GNPTAB: variants seen among roughly 807,000 people sequenced by gnomAD.
The protein encoded by GNPTAB is N-acetylglucosamine-1-phosphotransferase subunits alpha/beta.
In GNPTAB, 92 loss-of-function variants were observed where a neutral mutation model predicts 136.6. The ratio of observed to expected loss-of-function variants is 0.67; its 90% CI spans 0.57 to 0.80. GNPTAB has a LOEUF of 0.80. GNPTAB is among the 30% of genes least tolerant of loss of function. The probability of loss-of-function intolerance (pLI) is 0.00; values close to 1 mark genes in which losing one functional copy is unlikely to be tolerated. For synonymous variants in GNPTAB, 512 were observed against 535.1 expected, an observed-to-expected ratio of 0.96 and a Z score of 0.60; for missense variants, 1,343 against 1,501.8, an observed-to-expected ratio of 0.89 and a Z score of 1.75.
chr12:101,797,859 C>T (rs1187188592), intron 1 of GNPTAB, among the ~76,000 whole-genome samples: 1 of 152,178 alleles, frequency 6.6e-6, no homozygotes, highest in African/African-American at 2.4e-5. Context: ...ACCTTGCAGA[C>T]ATCCAATCTC....
intron 7 of GNPTAB, among the ~76,000 whole-genome samples, chr12:101,776,715 T>G (rs1464011033): frequency 6.6e-6 from 1 of 152,230 alleles, no homozygotes; most frequent in Non-Finnish European, 1.5e-5. Context: ...CCCAAGATAT[T>G]GCCTCATATG....
At chr12:101,757,534 CTT>C (rs1566069225) in intron 17 of GNPTAB, 36 bp downstream of exon 17, 2 of 1,005,980 alleles carry the variant, frequency 2.0e-6, no homozygotes, top group Admixed American at 1.7e-5. Flanking sequence ...TGTGATTACT[CTT>C]ATACTAAACA....
chr12:101,757,532 C>CT, intron 17 of GNPTAB, 40 bp downstream of exon 17: 1 of 993,904 alleles, frequency 1.0e-6, no homozygotes. Context: ...TTTGTGATTA[C>CT]TCTTATACTA....
Position 101,764,784 on chromosome 12 carries a change from G to C in GNPTAB, c.2133C>G (p.Leu711=), listed in dbSNP as rs976305877. The part of the protein sequence containing the change: ...SLLPKDAQLS[L]NTLDLQLEHG... ...GTTCCAGTTGCAAATCCAAGGTATT[G>C]AGACTCAACTGGGCGTCTTTTGGAA... Residue 711 remains leucine, a synonymous_variant, in exon 13 of 21, where the codon CTC becomes CTG. Coordinates refer to ENST00000299314, the MANE Select transcript of GNPTAB (RefSeq NM_024312.5). 1.2e-6 allele frequency: 2 copies of C among 1,614,078 alleles called. No homozygotes were observed. The highest frequency in any genetic ancestry group is 1.7e-5 in the Admixed American group (1 of 60,012).
At chr12:101,822,166 C>A (rs1218146278) in intron 1 of GNPTAB, among the ~76,000 whole-genome samples, 2 of 152,202 alleles carry the variant, frequency 1.3e-5, no homozygotes, top group African/African-American at 2.4e-5. Flanking sequence ...GTAATCCCAG[C>A]ACTTTGGGAG....
At chr12:101,799,130 C>G (rs971062685) in intron 1 of GNPTAB, among the ~76,000 whole-genome samples, 1 of 152,084 alleles carries the variant, frequency 6.6e-6, no homozygotes, top group African/African-American at 2.4e-5. Context: ...GCCTCTTTAT[C>G]TTGTATTGAA....
Position 101,765,013 on chromosome 12 carries a change from G to T in GNPTAB, c.1904C>A (p.Thr635Lys). Residue 635 changes from threonine (T) to lysine (K), a missense_variant, in exon 13 of 21, where the codon ACA becomes AAA. Thr to Lys is a moderately conservative substitution (Grantham distance 78). Coordinates refer to ENST00000299314, the MANE Select transcript of GNPTAB (RefSeq NM_024312.5). ...FKMQITVEVD[T>K]REGPKLNSTA... The stretch of plus-strand genomic sequence containing the variant: ...AGAATTCAGTTTTGGTCCCTCCCTT[G>T]TGTCCACCTCCACTGTTATCTGCAT... The T allele has an allele frequency of 6.2e-7, 1 of 1,614,172 alleles. No homozygotes were observed. The highest frequency in any genetic ancestry group is 8.5e-7 in the Non-Finnish European group (1 of 1,180,032).
chr12:101,752,416 CTG>C (rs1001707026), intron 19 of GNPTAB, among the ~76,000 whole-genome samples: 171 of 152,280 alleles, frequency 1.1e-3, no homozygotes, highest in African/African-American at 4.1e-3. Flanking sequence ...CAGAGCAAGA[CTG>C]TCTCAAAACA....
intron 20 of GNPTAB, 133 bp from the exon 21 acceptor site, chr12:101,747,374 A>C: frequency 3.0e-6 from 2 of 659,970 alleles, no homozygotes; most frequent in Non-Finnish European, 2.8e-6. Flanking sequence ...CAACAAACAA[A>C]TCTCCATCAT....
At chr12:101,754,300 G>A (rs909167055) in intron 18 of GNPTAB, among the ~76,000 whole-genome samples, 1 of 151,932 alleles carries the variant, frequency 6.6e-6, no homozygotes, top group African/African-American at 2.4e-5. Flanking sequence ...GTGGTGGCAT[G>A]CCTGTAATCC....
intron 3 of GNPTAB, 92 bp downstream of exon 3, chr12:101,789,846 G>A: frequency 8.2e-7 from 1 of 1,220,936 alleles, no homozygotes; most frequent in Admixed American, 1.7e-5. Context: ...ATGATGACTG[G>A]GTTTTCATGC....
intron 1 of GNPTAB, among the ~76,000 whole-genome samples, chr12:101,803,476 G>A (rs182515385): frequency 8.1e-4 from 124 of 152,300 alleles, no homozygotes; most frequent in African/African-American, 2.8e-3. Context: ...AAAATTAGGA[G>A]TTCAATGGTT....
chr12:101,821,239 G>C (rs1483509377), intron 1 of GNPTAB, among the ~76,000 whole-genome samples: 1 of 152,130 alleles, frequency 6.6e-6, no homozygotes, highest in African/African-American at 2.4e-5. Context: ...TTGTCAGCAG[G>C]AGCCAAGTCT....
intron 7 of GNPTAB, chr12:101,773,457 G>A (rs890412650): frequency 3.7e-5 from 7 of 187,594 alleles, no homozygotes; most frequent in African/African-American, 1.7e-4. Context: ...AGGGGCTGCA[G>A]GCCAGTTTCA....
At chr12:101,754,126 TA>T (rs58721611) in intron 18 of GNPTAB, among the ~76,000 whole-genome samples, 182 of 151,022 alleles carry the variant, frequency 1.2e-3, no homozygotes, top group African/African-American at 4.1e-3. Flanking sequence ...CGTAAGTACC[TA>T]AAACCAAGTT....
rs1232180182 is a variant in GNPTAB at position 101,761,557 on chromosome 12, G to C, written c.2915+7C>G. On this transcript the variant is annotated splice_region_variant and intron_variant, in intron 14 of 20. Coordinates refer to ENST00000299314, the MANE Select transcript of GNPTAB (RefSeq NM_024312.5). ...AAGCAAACAACTCAAACACGAGCAA[G>C]ACTTACATATCTTGCAGTTCTTGCA... The C allele has an allele frequency of 2.5e-6, 4 of 1,612,136 alleles. No homozygotes were observed. Among genetic ancestry groups the C allele is most frequent in the Middle Eastern group, 1.7e-4 (1 of 6,052 alleles).
At chr12:101,825,109 ATTG>A (rs1382277817) in intron 1 of GNPTAB, among the ~76,000 whole-genome samples, 1 of 152,124 alleles carries the variant, frequency 6.6e-6, no homozygotes, top group Non-Finnish European at 1.5e-5. Context: ...TTTCTAAGCA[ATTG>A]TTGTGTACTA....
intron 13 of GNPTAB, among the ~76,000 whole-genome samples, chr12:101,762,422 G>A (rs1402487738): frequency 6.6e-6 from 1 of 152,184 alleles, no homozygotes; most frequent in East Asian, 1.9e-4. Flanking sequence ...ATATGAAGTG[G>A]TGCAACATTT....
chr12:101,749,975 A>G (rs1193832991), intron 19 of GNPTAB, among the ~76,000 whole-genome samples: 1 of 152,224 alleles, frequency 6.6e-6, no homozygotes, highest in Non-Finnish European at 1.5e-5. Flanking sequence ...CAGGGTAAAC[A>G]TGTTGGCCAT....
Sources: gnomAD v4.1 joint callset for allele counts (sites outside exome capture counted in the v4.1 genomes callset) on GRCh38, gnomAD v4.1.1 for gene constraint, MANE v1.5 for transcripts, NCBI Gene and HGNC (gene_info 2026-07-23, HGNC 2026-07-21) for gene names.